Variants in BCAS1 observed in about 807,000 individuals in gnomAD.
BCAS1 encodes breast carcinoma-amplified sequence 1.
In BCAS1, 46 loss-of-function variants were observed where a neutral mutation model predicts 65.4. That is an observed-to-expected ratio of 0.70 (90% CI 0.55 to 0.90). The LOEUF (loss-of-function observed/expected upper bound fraction) is 0.90, where lower values mean the gene tolerates loss of function less well. Among genes scored for constraint, BCAS1 ranks in the 40% least tolerant of loss-of-function variants. The pLI, the probability that BCAS1 is intolerant of heterozygous loss-of-function variation, is 0.00. For synonymous variants in BCAS1, 298 were observed against 293.5 expected, an observed-to-expected ratio of 1.02 and a Z score of -0.16; for missense variants, 793 against 771.2, an observed-to-expected ratio of 1.03 and a Z score of -0.33.
At position 53,985,246 on chromosome 20, in the gene BCAS1, C is replaced by T. The variant is rs2090583171; in HGVS notation, c.1275+41G>A. The T allele has an allele frequency of 3.8e-6, 6 of 1,590,418 alleles. No individual in the cohort carries two copies. The East Asian group carries it at 1.3e-4, about 36-fold the overall frequency. ...AATAGAAATAAGTTCTGGAGTCATC[C>T]CCGCCCGGACGACTCTCTAACGCTT... On this transcript the variant is annotated intron_variant, in intron 8 of 12. Transcript: ENST00000688948.
At chr20:53,959,751 T>C (rs1337994999) in intron 10 of BCAS1, among the ~76,000 whole-genome samples, 1 of 152,140 alleles carries the variant, frequency 6.6e-6, no homozygotes, top group Non-Finnish European at 1.5e-5. Flanking sequence ...CTGAGGAACA[T>C]CATTGGTGCA....
intron 4 of BCAS1, among the ~76,000 whole-genome samples, chr20:54,003,570 T>C (rs535655608): frequency 6.6e-6 from 1 of 152,294 alleles, no homozygotes; most frequent in African/African-American, 2.4e-5. Flanking sequence ...GTTGGAATAG[T>C]TTGCATTAAA....
At chr20:54,036,638 G>T (rs1033864953) in intron 3 of BCAS1, among the ~76,000 whole-genome samples, 4 of 151,238 alleles carry the variant, frequency 2.6e-5, no homozygotes, top group African/African-American at 9.7e-5. Context: ...CTCCTTCAGA[G>T]GGTAATTCTG....
Position 54,008,829 on chromosome 20 carries a change from G to A in BCAS1, c.724-12779C>T, listed in dbSNP as rs558219130. On this transcript the variant is annotated intron_variant, in intron 4 of 12. Transcript: ENST00000688948. ...AAAGATTTTTTTTTTTTTTTGAGAC[G>A]GAGTCTTGCTCTGTCACCCAGGCTG... Among the ~76,000 whole-genome samples the A allele has an allele frequency of 1.3e-4, 20 of 149,592 alleles. No individual in the cohort carries two copies. The East Asian group carries it at 1.6e-3, about 12-fold the overall frequency.
chr20:54,055,047 G>A (rs1981134709), intron 3 of BCAS1, among the ~76,000 whole-genome samples: 1 of 152,118 alleles, frequency 6.6e-6, no homozygotes, highest in Non-Finnish European at 1.5e-5. Context: ...AAAAGAGAAA[G>A]TGAGATGGAG....
At chr20:53,954,738 A>G (rs187603822) in intron 11 of BCAS1, among the ~76,000 whole-genome samples, 1 of 152,194 alleles carries the variant, frequency 6.6e-6, no homozygotes, top group East Asian at 1.9e-4. Context: ...GTCCAAAAAA[A>G]TATTTCTCCA....
intron 3 of BCAS1, among the ~76,000 whole-genome samples, chr20:54,047,852 C>T (rs111962788): frequency 0.014 from 2,163 of 152,284 alleles, 48 homozygotes; most frequent in African/African-American, 0.049. Flanking sequence ...TTTAAATACC[C>T]TCTAGTGGTT....
intron 8 of BCAS1, among the ~76,000 whole-genome samples, chr20:53,977,949 T>C (rs1336606278): frequency 6.6e-6 from 1 of 152,052 alleles, no homozygotes; most frequent in Non-Finnish European, 1.5e-5. Flanking sequence ...GCAGGTTAGT[T>C]ACATATGTAT....
chr20:54,050,104 C>T (rs1195583316), intron 3 of BCAS1, among the ~76,000 whole-genome samples: 2 of 152,162 alleles, frequency 1.3e-5, no homozygotes, highest in African/African-American at 4.8e-5. Flanking sequence ...TGGCTCCATT[C>T]TCCAGCTTCC....
intron 4 of BCAS1, among the ~76,000 whole-genome samples, chr20:54,007,142 G>C (rs1276783748): frequency 2.0e-5 from 3 of 152,178 alleles, no homozygotes; most frequent in Non-Finnish European, 4.4e-5. Flanking sequence ...GTGCTCCCCA[G>C]TGCTCATCAC....
chr20:54,044,459 C>A (rs2092059208), intron 3 of BCAS1, among the ~76,000 whole-genome samples: 1 of 152,120 alleles, frequency 6.6e-6, no homozygotes, highest in South Asian at 2.1e-4. Context: ...AAGTTGTGTC[C>A]AGAGTATCTG....
At chr20:54,062,998 A>C (rs2092394291) in intron 1 of BCAS1, among the ~76,000 whole-genome samples, 1 of 152,230 alleles carries the variant, frequency 6.6e-6, no homozygotes, top group South Asian at 2.1e-4. Context: ...AGGTCCAAAC[A>C]ACTGGGAAGG....
intron 4 of BCAS1, among the ~76,000 whole-genome samples, chr20:54,011,603 A>G (rs1170993975): frequency 6.6e-6 from 1 of 152,258 alleles, no homozygotes; most frequent in Non-Finnish European, 1.5e-5. Flanking sequence ...GCTGGGAAGG[A>G]TGCAAGAAAC....
intron 3 of BCAS1, among the ~76,000 whole-genome samples, chr20:54,052,777 C>A (rs975269733): frequency 2.0e-5 from 3 of 152,110 alleles, no homozygotes; most frequent in African/African-American, 7.2e-5. Flanking sequence ...CTGGACTTCC[C>A]AGCCTCTAGA....
At chr20:53,971,697 T>C (rs1483605114) in intron 9 of BCAS1, among the ~76,000 whole-genome samples, 1 of 152,246 alleles carries the variant, frequency 6.6e-6, no homozygotes, top group East Asian at 1.9e-4. Flanking sequence ...TTTCTAGTAA[T>C]GAGAGCCAGT....
intron 3 of BCAS1, among the ~76,000 whole-genome samples, chr20:54,033,374 TG>T (rs2091840641): frequency 6.7e-6 from 1 of 148,834 alleles, no homozygotes; most frequent in African/African-American, 2.5e-5. Flanking sequence ...GTTTTTTTTT[TG>T]AACAAATTAA....
intron 3 of BCAS1, among the ~76,000 whole-genome samples, chr20:54,031,181 A>T (rs1451990325): frequency 6.6e-6 from 1 of 151,552 alleles, no homozygotes; most frequent in African/African-American, 2.4e-5. Context: ...TTATAGCCAG[A>T]GAAAAAGTCT....
chr20:54,063,450 G>A (rs1389414198), intron 1 of BCAS1, among the ~76,000 whole-genome samples: 1 of 152,158 alleles, frequency 6.6e-6, no homozygotes, highest in Non-Finnish European at 1.5e-5. Context: ...TCTCCCACAG[G>A]TGCCCGGTAG....
intron 8 of BCAS1, among the ~76,000 whole-genome samples, chr20:53,978,920 TA>T (rs1326016546): frequency 6.6e-6 from 1 of 152,222 alleles, no homozygotes; most frequent in Non-Finnish European, 1.5e-5. Context: ...TCAGTTCACT[TA>T]CCCAAAGGCT....
Sources: allele counts gnomAD v4.1 joint callset (sites outside exome capture counted in the v4.1 genomes callset), GRCh38; gene constraint gnomAD v4.1.1; transcripts MANE v1.5; gene names NCBI Gene and HGNC (gene_info 2026-07-23, HGNC 2026-07-21).